Variants in NAT16 observed in about 807,000 individuals in gnomAD.
NAT16 encodes N-acetyltransferase 16 (putative).
Under a neutral mutation model 15.9 loss-of-function variants are expected in NAT16, and 16 were observed. The observed-to-expected ratio is 1.01, with a 90% CI of 0.68 to 1.53. NAT16 has a LOEUF of 1.53. Ranked by LOEUF, NAT16 falls within the 40% of genes most tolerant of loss-of-function variation. The pLI, the probability that NAT16 is intolerant of heterozygous loss-of-function variation, is 0.00. For missense variants in NAT16, 572 were observed against 508.4 expected (o/e 1.13, Z -1.20); for synonymous variants, 260 against 241.9 (o/e 1.07, Z -0.69).
chr7:101,174,812 C>G lies in NAT16; in HGVS notation c.-4-1G>C. ...ACAGCTGGCTTCCAGCTTCATGACC[C>G]TGCAGAAAAAAAGAGAATTCAGCAC... is the stretch of plus-strand genomic sequence containing the variant. On this transcript the variant is annotated splice_acceptor_variant, in intron 1 of 3. Coordinates refer to ENST00000300303, the MANE Select transcript of NAT16 (RefSeq NM_198571.3). LOFTEE classifies it low-confidence loss of function (5UTR_SPLICE). 1 of 1,548,770 alleles carries G rather than the reference C, an allele frequency of 6.5e-7. No homozygotes were observed. Among genetic ancestry groups the G allele is most frequent in the South Asian group, 1.2e-5 (1 of 84,216 alleles).
intron 1 of NAT16, among the ~76,000 whole-genome samples, chr7:101,175,945 C>T (rs996626229): frequency 6.6e-6 from 1 of 151,572 alleles, no homozygotes; most frequent in Non-Finnish European, 1.5e-5. Flanking sequence ...AAGAGGCACA[C>T]TCCTTCAAGG....
intron 3 of NAT16, among the ~76,000 whole-genome samples, 174 bp downstream of exon 3, chr7:101,173,122 C>T (rs992171397): frequency 1.3e-5 from 2 of 152,074 alleles, no homozygotes; most frequent in East Asian, 3.9e-4. Flanking sequence ...AGTTTGACTT[C>T]CCCTGGGTCA....
Position 101,172,549 on chromosome 7 carries a change from C to T in NAT16, c.640G>A (p.Glu214Lys), listed in dbSNP as rs778549341. Residue 214 changes from glutamate to lysine, a missense_variant, in exon 4 of 4, where the codon GAG becomes AAG. Coordinates refer to ENST00000300303, the MANE Select transcript of NAT16 (RefSeq NM_198571.3). This position sits in a 1 kb window ranked among gnomAD's most constrained non-coding sequence, Gnocchi z 4.2. ...TSGTFSPLPT[E>K]AVSEAGGDVA... ...TCGCCGCCTGCCTCGGACACGGCCT[C>T]GGTGGGCAGCGGCGAGAAGGTGCCA... 2 of 1,555,666 alleles carry T rather than the reference C, an allele frequency of 1.3e-6. No homozygotes were observed. Among genetic ancestry groups the T allele is most frequent in the Admixed American group, 1.9e-5 (1 of 53,854 alleles).
chr7:101,174,571 G>T lies in NAT16; in HGVS notation c.237C>A (p.Tyr79Ter), dbSNP rs1797423209. 3.1e-6 allele frequency: 5 copies of T among 1,613,760 alleles called. No individual in the cohort carries two copies. The Admixed American group carries it at 5.0e-5, about 16-fold the overall frequency. ...GCCAGCTGTGGTAGCGGCTAGGAAGGTAGTCCAGGCCGCCGTAGATGCCCC... is the reference window on the plus strand; with the variant it reads ...GCCAGCTGTGGTAGCGGCTAGGAAGTTAGTCCAGGCCGCCGTAGATGCCCC... ...ISGGIYGGLD[Y>*]LPSRYHSWLR... Residue 79 changes from tyrosine to a stop codon, truncating the protein, a stop_gained, in exon 2 of 4, where the codon TAC becomes TAA. Transcript: ENST00000300303. LOFTEE classifies it high-confidence loss of function.
At position 101,172,733 on chromosome 7, in the gene NAT16, TC is replaced by T; in HGVS notation, c.538-83del. ...GGCGCCTCTCGGCAGGCATCTTCAC[TC>T]CCACGTTCACGCCCACGGGCTCCCA... On this transcript the variant is annotated intron_variant, in intron 3 of 3. Transcript: ENST00000300303. The surrounding 1 kb of genome is among the most constrained non-coding windows in gnomAD (Gnocchi z 4.2). The T allele has an allele frequency of 8.7e-7, 1 of 1,150,778 alleles. No homozygotes were observed. Among genetic ancestry groups the T allele is most frequent in the Non-Finnish European group, 1.2e-6 (1 of 858,398 alleles). 71.3% of individuals were successfully genotyped at this position (1,150,778 alleles called of 1,614,324 possible).
chr7:101,172,495 C>A lies in NAT16; in HGVS notation c.694G>T (p.Val232Leu), dbSNP rs1021796848. ...CCGCCTGGAAGCACGTCGCGCTGCA[C>A]GGAGGGTGACAGCAGGAGGCGTGCC... ...DVARLLLSPS[V>L]QRDVLPGGTI... The change falls in exon 4 of 4, where the codon GTG (valine) becomes TTG (leucine). Residue 232 changes from valine to leucine, a missense_variant. Physicochemically the swap from Val to Leu is conservative, Grantham distance 32. Transcript: ENST00000300303. The surrounding 1 kb of genome is among the most constrained non-coding windows in gnomAD (Gnocchi z 4.2). 1.3e-6 allele frequency: 2 copies of A among 1,594,890 alleles called. No individual in the cohort carries two copies. Among genetic ancestry groups the A allele is most frequent in the African/African-American group, 2.7e-5 (2 of 74,264 alleles).
In NAT16 at chr7:101,175,016, G is replaced by A. The variant is rs531967892; in HGVS notation, c.-4-205C>T. Among the ~76,000 whole-genome samples the A allele has an allele frequency of 5.1e-4, 78 of 152,062 alleles. 1 individual carries two copies. The highest frequency in any genetic ancestry group is 3.3e-3 in the Admixed American group (51 of 15,250). ...GCCGCCCAGGCTGGAGTGCAGTGGC[G>A]CGATCTCGGCTCGCTGCAACCTCTG... On this transcript the variant is annotated intron_variant, in intron 1 of 3. Coordinates refer to ENST00000300303, the MANE Select transcript of NAT16 (RefSeq NM_198571.3).
rs1797364791 is a variant in NAT16 at position 101,172,833 on chromosome 7, G to A, written c.538-182C>T. On this transcript the variant is annotated intron_variant, in intron 3 of 3. Coordinates refer to ENST00000300303, the MANE Select transcript of NAT16 (RefSeq NM_198571.3). This position sits in a 1 kb window ranked among gnomAD's most constrained non-coding sequence, Gnocchi z 4.2. ...GTATGGGAAAGCCTGGGTTTCAAGG[G>A]TACCAGACAGGGACCAGGGGCACGG... Among the ~76,000 whole-genome samples the A allele has an allele frequency of 6.6e-6, 1 of 152,154 alleles. No individual in the cohort carries two copies. The highest frequency in any genetic ancestry group is 2.4e-5 in the African/African-American group (1 of 41,446).
At chr7:101,174,457 C>G (rs1418463696) in intron 2 of NAT16, 39 bp downstream of exon 2, 1 of 1,555,472 alleles carries the variant, frequency 6.4e-7, no homozygotes, top group Non-Finnish European at 8.7e-7. Flanking sequence ...CCGCAGGTGG[C>G]TTCACCCCAT....
At chr7:101,174,858 C>T (rs779583871) in intron 1 of NAT16, 47 bp from the exon 2 acceptor site, 61 of 1,506,564 alleles carry the variant, frequency 4.0e-5, no homozygotes, top group Middle Eastern at 3.5e-4. Context: ...CCCTTTGTTT[C>T]CACATCTGGG....
chr7:101,174,016 C>A, intron 2 of NAT16: 1 of 211,844 alleles, frequency 4.7e-6, no homozygotes, highest in Non-Finnish European at 9.3e-6. Flanking sequence ...AGGAGTTAGC[C>A]GACGCGCCCG....
chr7:101,179,449 C>A (rs1797543574), intron 1 of NAT16, among the ~76,000 whole-genome samples: 1 of 150,742 alleles, frequency 6.6e-6, no homozygotes, highest in Admixed American at 6.6e-5. Flanking sequence ...CCCTTCGCCC[C>A]GGGGTATGGG....
At chr7:101,176,460 C>G (rs1469936924) in intron 1 of NAT16, among the ~76,000 whole-genome samples, 1 of 146,796 alleles carries the variant, frequency 6.8e-6, no homozygotes, top group Admixed American at 6.9e-5. Flanking sequence ...GAGGTTGAGC[C>G]ACTGCACTCC....
At position 101,172,220 on chromosome 7, in the gene NAT16, G is replaced by T; in HGVS notation, c.969C>A (p.Arg323=). 1 of 1,613,694 alleles carries T rather than the reference G, an allele frequency of 6.2e-7. No homozygotes were observed. Among genetic ancestry groups the T allele is most frequent in the Admixed American group, 1.7e-5 (1 of 59,924 alleles). ...GGCACATGACGTTGAGGCCAACGAG[G>T]CGCGGGGCCTGGCGCTGCAGGTGCC... ...LLWHLQRQAP[R]LVGLNVMCQL... Residue 323 remains arginine, a synonymous_variant, in exon 4 of 4, where the codon CGC becomes CGA. Transcript: ENST00000300303. The surrounding 1 kb of genome is among the most constrained non-coding windows in gnomAD (Gnocchi z 4.2).
At position 101,173,353 on chromosome 7, in the gene NAT16, G is replaced by C. The variant is rs1275779666; in HGVS notation, c.480C>G (p.Thr160=). 6.2e-7 allele frequency: 1 copy of C among 1,614,048 alleles called. No homozygotes were observed. The highest frequency in any genetic ancestry group is 1.1e-5 in the South Asian group (1 of 91,078). The change falls in exon 3 of 4, where the codon ACC becomes ACG. Residue 160 remains threonine (T), a synonymous_variant. Coordinates refer to ENST00000300303, the MANE Select transcript of NAT16 (RefSeq NM_198571.3). ...QHPGVKVARL[T]RDDQLGPREL... Reference sequence around the variant, plus strand: ...CCCGGGGGCCCAGCTGGTCGTCCCGGGTGAGCCGTGCCACCTTGACCCCCG... The same window carrying C: ...CCCGGGGGCCCAGCTGGTCGTCCCGCGTGAGCCGTGCCACCTTGACCCCCG...
rs1797383481 is a variant in NAT16, at chr7:101,173,335, G to A, written c.498C>T (p.Gly166=). ...VARLTRDDQL[G]PRELKKYRLI... is the part of the protein sequence containing the mutation. ...GGCGGTATTTCTTCAGCTCCCGGGG[G>A]CCCAGCTGGTCGTCCCGGGTGAGCC... The change falls in exon 3 of 4, where the codon GGC becomes GGT. Residue 166 remains glycine (G), a synonymous_variant. Transcript: ENST00000300303. 2 of 1,613,994 alleles carry A rather than the reference G, an allele frequency of 1.2e-6. No individual in the cohort carries two copies. The highest frequency in any genetic ancestry group is 1.7e-6 in the Non-Finnish European group (2 of 1,179,980).
chr7:101,177,640 C>G (rs1329546942), intron 1 of NAT16, among the ~76,000 whole-genome samples: 1 of 152,188 alleles, frequency 6.6e-6, no homozygotes, highest in African/African-American at 2.4e-5. Flanking sequence ...GTGTGAGCCA[C>G]CATGCCCAGC....
rs751664579 is a variant in NAT16, at chr7:101,172,636, G to A, written c.553C>T (p.Arg185Ter). The A allele has an allele frequency of 2.4e-5, 37 of 1,516,520 alleles. 1 individual carries two copies. The South Asian group carries it at 4.1e-4, about 17-fold the overall frequency. The allele number at this position is 1,516,520 out of a possible 1,614,324, so 93.9% of individuals were successfully genotyped here. A position where few individuals can be genotyped will look rare whatever the true frequency, so the allele number is the denominator to read the frequency against. The change falls in exon 4 of 4, where the codon CGA (arginine) becomes TGA (stop). Residue 185 changes from arginine (R) to a stop codon, truncating the protein, a stop_gained. Coordinates refer to ENST00000300303, the MANE Select transcript of NAT16 (RefSeq NM_198571.3). LOFTEE classifies it low-confidence loss of function (END_TRUNC). The surrounding 1 kb of genome is among the most constrained non-coding windows in gnomAD (Gnocchi z 4.2). ...LITKQGILLV[R>*]FNASALLAGL... Reference sequence around the variant, plus strand: ...GCCAGCAGCGCGGACGCGTTGAATCGGACCAAAAGGATGCCCTGCGGGGGG... The same window carrying A: ...GCCAGCAGCGCGGACGCGTTGAATCAGACCAAAAGGATGCCCTGCGGGGGG...
intron 1 of NAT16, among the ~76,000 whole-genome samples, chr7:101,175,634 A>AG (rs906037683): frequency 4.6e-5 from 7 of 151,704 alleles, no homozygotes; most frequent in African/African-American, 9.7e-5. Context: ...TAAAAAAAAA[A>AG]AAGAAGAAGA....
Sources: gnomAD v4.1 joint callset for allele counts (sites outside exome capture counted in the v4.1 genomes callset) on GRCh38, gnomAD v4.1.1 for gene constraint, Gnocchi (gnomAD v3.1) non-coding constraint, MANE v1.5 for transcripts, NCBI Gene and HGNC (gene_info 2026-07-23, HGNC 2026-07-21) for gene names.